SAV1: variants seen among roughly 807,000 people sequenced by gnomAD.
SAV1 encodes salvador family WW domain containing protein 1.
Under a neutral mutation model 47.3 loss-of-function variants are expected in SAV1, and 23 were observed. That is an observed-to-expected ratio of 0.49 (90% confidence interval 0.35 to 0.69). The LOEUF (loss-of-function observed/expected upper bound fraction) is 0.69, where lower values mean the gene tolerates loss of function less well. SAV1 is among the 30% of genes least tolerant of loss of function. The pLI, the probability that SAV1 is intolerant of heterozygous loss-of-function variation, is 0.01. For synonymous variants in SAV1, 155 were observed against 159.2 expected (o/e 0.97, Z 0.20); for missense variants, 448 against 457.4 (o/e 0.98, Z 0.19).
Position 50,665,477 on chromosome 14 carries a change from T to C in SAV1, c.237A>G (p.Gln79=), listed in dbSNP as rs746432077. The C allele has an allele frequency of 1.2e-6, 2 of 1,614,060 alleles. No homozygotes were observed. Among genetic ancestry groups the C allele is most frequent in the African/African-American group, 1.3e-5 (1 of 75,060 alleles). The change falls in exon 2 of 5, where the codon CAA becomes CAG. Residue 79 remains glutamine, a synonymous_variant. Transcript: ENST00000324679. The stretch of plus-strand genomic sequence containing the variant: ...TTCTCATTATTTCATGAGGTGTTCT[T>C]TGAATTGGAGTTCTAAGGAAACTCT... ...RNQSFLRTPI[Q]RTPHEIMRRE...
At chr14:50,667,298 C>G in intron 1 of SAV1, 1 of 315,602 alleles carries the variant, frequency 3.2e-6, no homozygotes, top group Non-Finnish European at 6.5e-6. Flanking sequence ...TAGCCAAATA[C>G]AAAGGCTTTT....
chr14:50,640,840 TCA>T lies in SAV1; in HGVS notation c.858_859del (p.Glu287LysfsTer19). The T allele has an allele frequency of 6.2e-7, 1 of 1,613,874 alleles. No homozygotes were observed. Among genetic ancestry groups the T allele is most frequent in the Admixed American group, 1.7e-5 (1 of 60,014 alleles). On this transcript the variant is annotated frameshift_variant, in exon 4 of 5. Transcript: ENST00000324679. LOFTEE classifies it high-confidence loss of function. ...AGGTACCAGAAGGGACTGATTTCTT[TCA>T]GTTTGCTGTGGCTGGTATGTGACAG... is the stretch of plus-strand genomic sequence containing the variant.
intron 2 of SAV1, among the ~76,000 whole-genome samples, chr14:50,664,000 G>C (rs1411324252): frequency 6.6e-6 from 1 of 152,128 alleles, no homozygotes; most frequent in Non-Finnish European, 1.5e-5. Context: ...TCTGGCCCTT[G>C]TTAATCTAAA....
chr14:50,659,426 T>C (rs1026760662), intron 2 of SAV1, among the ~76,000 whole-genome samples: 11 of 152,202 alleles, frequency 7.2e-5, no homozygotes, highest in African/African-American at 2.2e-4. Flanking sequence ...ATTTTCCTTC[T>C]CTTTTTCCAC....
chr14:50,660,117 G>A (rs1445431719), intron 2 of SAV1, among the ~76,000 whole-genome samples: 1 of 152,164 alleles, frequency 6.6e-6, no homozygotes, highest in African/African-American at 2.4e-5. Flanking sequence ...GCTTACAAGT[G>A]GACCAACTGA....
intron 2 of SAV1, among the ~76,000 whole-genome samples, chr14:50,647,144 G>GA (rs1262056504): frequency 1.3e-5 from 2 of 151,710 alleles, no homozygotes; most frequent in Non-Finnish European, 2.9e-5. Context: ...GCTTTTACAA[G>GA]AAAAAAATAG....
At chr14:50,656,121 A>G (rs1235923858) in intron 2 of SAV1, among the ~76,000 whole-genome samples, 5 of 152,210 alleles carry the variant, frequency 3.3e-5, no homozygotes, top group Non-Finnish European at 7.3e-5. Flanking sequence ...AAGAAAACCC[A>G]TACTTCCATA....
Position 50,665,396 on chromosome 14 carries a change from G to A in SAV1, c.318C>T (p.Val106=), listed in dbSNP as rs114776097. The change falls in exon 2 of 5, where the codon GTC becomes GTT. Residue 106 remains valine (V), a synonymous_variant. Coordinates refer to ENST00000324679, the MANE Select transcript of SAV1 (RefSeq NM_021818.4). The part of the protein sequence containing the change: ...PSYLARSLAD[V]PREYGSSQSF... Reference sequence around the variant, plus strand: ...ACTGAGAAGAACCATACTCTCTAGGGACATCTGCTAGACTTCTGGCAAGAT... The same window carrying A: ...ACTGAGAAGAACCATACTCTCTAGGAACATCTGCTAGACTTCTGGCAAGAT... 1.6e-3 allele frequency: 2,541 copies of A among 1,611,966 alleles called. 3 individuals are homozygous for A. Among genetic ancestry groups the A allele is most frequent in the Admixed American group, 3.7e-3 (221 of 59,766 alleles).
At chr14:50,646,805 G>A (rs1480923396) in intron 2 of SAV1, among the ~76,000 whole-genome samples, 2 of 151,448 alleles carry the variant, frequency 1.3e-5, no homozygotes, top group South Asian at 2.1e-4. Flanking sequence ...CAATTTTTTT[G>A]AAAAAGGGAT....
intron 2 of SAV1, among the ~76,000 whole-genome samples, chr14:50,662,084 T>C (rs983942119): frequency 1.2e-4 from 19 of 152,226 alleles, no homozygotes; most frequent in African/African-American, 4.3e-4. Context: ...TTAATTCTTC[T>C]GACCCATGAG....
At position 50,647,908 on chromosome 14, in the gene SAV1, G is replaced by A. The variant is rs535140162; in HGVS notation, c.536-2894C>T. ...CAATTTCTTATAAAGTTAAACATATGCTTTTCATATGCTACAGCAATCCCA... is the reference window on the plus strand; with the variant it reads ...CAATTTCTTATAAAGTTAAACATATACTTTTCATATGCTACAGCAATCCCA... On this transcript the variant is annotated intron_variant, in intron 2 of 4. Transcript: ENST00000324679. Among the ~76,000 whole-genome samples the A allele has an allele frequency of 2.6e-5, 4 of 152,276 alleles. No individual in the cohort carries two copies. The South Asian group carries it at 8.3e-4, about 32-fold the overall frequency.
At chr14:50,666,485 A>G (rs2039902119) in intron 1 of SAV1, among the ~76,000 whole-genome samples, 1 of 152,190 alleles carries the variant, frequency 6.6e-6, no homozygotes, top group Non-Finnish European at 1.5e-5. Context: ...TCATATTAAT[A>G]AGCTTCAGAA....
intron 2 of SAV1, among the ~76,000 whole-genome samples, chr14:50,658,410 C>G (rs2039830743): frequency 6.6e-6 from 1 of 152,172 alleles, no homozygotes; most frequent in Non-Finnish European, 1.5e-5. Flanking sequence ...TTGGAACATA[C>G]AGTAAGTGCG....
intron 2 of SAV1, among the ~76,000 whole-genome samples, chr14:50,663,335 A>T (rs2039875627): frequency 2.6e-5 from 4 of 152,336 alleles, no homozygotes; most frequent in Admixed American, 2.6e-4. Flanking sequence ...ATTATTCTAG[A>T]AGAAAATATA....
chr14:50,635,949 C>T (rs2039631431), intron 4 of SAV1, among the ~76,000 whole-genome samples: 1 of 152,128 alleles, frequency 6.6e-6, no homozygotes, highest in African/African-American at 2.4e-5. Flanking sequence ...CCTCGTTATT[C>T]GCCCACCTCA....
At chr14:50,664,143 C>G (rs2039881846) in intron 2 of SAV1, 1 of 152,204 alleles carries the variant, frequency 6.6e-6, no homozygotes, top group South Asian at 2.1e-4. Flanking sequence ...AACAATTTTT[C>G]TGTGACCATT....
rs758564297 is a variant in SAV1, at chr14:50,640,838, T to C, written c.862A>G (p.Arg288Gly). ...PVTYQPQQTE[R>G]NQSLLVPANP... ...GCAGGTACCAGAAGGGACTGATTTC[T>C]TTCAGTTTGCTGTGGCTGGTATGTG... The change falls in exon 4 of 5, where the codon AGA (arginine) becomes GGA (glycine). Residue 288 changes from arginine (R) to glycine (G), a missense_variant. Transcript: ENST00000324679. The C allele has an allele frequency of 6.2e-7, 1 of 1,613,838 alleles. No homozygotes were observed. Among genetic ancestry groups the C allele is most frequent in the Non-Finnish European group, 8.5e-7 (1 of 1,179,794 alleles).
At chr14:50,649,578 A>T (rs2039750479) in intron 2 of SAV1, among the ~76,000 whole-genome samples, 1 of 152,206 alleles carries the variant, frequency 6.6e-6, no homozygotes, top group Non-Finnish European at 1.5e-5. Context: ...TGTTTTTTAT[A>T]ATCAAGAGAG....
chr14:50,643,082 T>C (rs558302228), intron 3 of SAV1, among the ~76,000 whole-genome samples: 24 of 152,340 alleles, frequency 1.6e-4, no homozygotes, highest in South Asian at 1.0e-3. Flanking sequence ...TGGCCTAAGA[T>C]AGACAACCAG....
Sources: gnomAD v4.1 joint callset for allele counts (sites outside exome capture counted in the v4.1 genomes callset) on GRCh38, gnomAD v4.1.1 for gene constraint, MANE v1.5 for transcripts, NCBI Gene and HGNC (gene_info 2026-07-23, HGNC 2026-07-21) for gene names.